The following UBE2K variants were observed in gnomAD, a reference collection of about 807,000 sequenced individuals.
The protein encoded by UBE2K is ubiquitin conjugating enzyme E2 K, also known as ubiquitin-conjugating enzyme E2 K.
In UBE2K, 6 loss-of-function variants were observed where a neutral mutation model predicts 30.0. The ratio of observed to expected loss-of-function variants is 0.20; its 90% CI spans 0.11 to 0.39. The LOEUF is 0.39. Ranked by LOEUF, UBE2K falls within the 10% of genes least tolerant of loss-of-function variation. The pLI is 1.00. For synonymous variants in UBE2K, 86 were observed against 83.7 expected (o/e 1.03, Z -0.15); for missense variants, 61 against 241.6 (o/e 0.25, Z 4.96).
intron 4 of UBE2K, among the ~76,000 whole-genome samples, chr4:39,764,266 AAGTC>A (rs945087139): frequency 6.6e-6 from 1 of 152,178 alleles, no homozygotes; most frequent in African/African-American, 2.4e-5. Flanking sequence ...TGAGCCTTGA[AAGTC>A]AGGGCTGCAG....
intron 4 of UBE2K, among the ~76,000 whole-genome samples, chr4:39,761,709 A>T (rs969103387): frequency 5.3e-5 from 8 of 152,360 alleles, no homozygotes; most frequent in South Asian, 2.1e-4. Context: ...AGTACAATAT[A>T]GATTTGATCA....
Position 39,750,273 on chromosome 4 carries a change from A to C in UBE2K, c.216+4463A>C, listed in dbSNP as rs1364148679. 4.6e-5 allele frequency among the ~76,000 whole-genome samples: 7 copies of C among 152,366 alleles called. No individual in the cohort carries two copies. The South Asian group carries it at 1.2e-3, about 27-fold the overall frequency. On this transcript the variant is annotated intron_variant, in intron 3 of 6. Coordinates refer to ENST00000261427, the MANE Select transcript of UBE2K (RefSeq NM_005339.5). ...TTAAAACTGGAAGTTACAGATGGAA[A>C]TATGAACTCACATCTACAATGAAGT...
At chr4:39,733,134 T>A (rs530641957) in intron 1 of UBE2K, among the ~76,000 whole-genome samples, 1 of 149,718 alleles carries the variant, frequency 6.7e-6, no homozygotes, top group South Asian at 2.1e-4. Flanking sequence ...AGAAAAGCAA[T>A]CTTTGACCTA....
chr4:39,757,018 G>GTTTTT lies in UBE2K; in HGVS notation c.299+1281_299+1285dup, dbSNP rs1227834116. ...TTTGGGTGTTTTTTTTTTGTTTTTTGTTTTTTGTTTTTTGTTTTTTTTTTG... is the reference window on the plus strand; with the variant it reads ...TTTGGGTGTTTTTTTTTTGTTTTTTGTTTTTTTTTTTGTTTTTTGTTTTTTTTTTG... On this transcript the variant is annotated intron_variant, in intron 4 of 6. Coordinates refer to ENST00000261427, the MANE Select transcript of UBE2K (RefSeq NM_005339.5). 4.6e-4 allele frequency among the ~76,000 whole-genome samples: 33 copies of GTTTTT among 72,088 alleles called. 8 individuals carry two copies. Among genetic ancestry groups the GTTTTT allele is most frequent in the East Asian group, 1.1e-3 (2 of 1,848 alleles). 47.3% of individuals were successfully genotyped at this position (72,088 alleles called of 152,430 possible).
At chr4:39,729,365 C>T (rs1719945009) in intron 1 of UBE2K, among the ~76,000 whole-genome samples, 1 of 143,742 alleles carries the variant, frequency 7.0e-6, no homozygotes, top group African/African-American at 2.6e-5. Flanking sequence ...TTCACAGATA[C>T]CTTGTATCCA....
intron 4 of UBE2K, chr4:39,761,385 GATCTGTTGGAAGATCCTT>G (rs1176798217): frequency 2.6e-5 from 4 of 152,174 alleles, no homozygotes; most frequent in African/African-American, 9.7e-5. Context: ...AATTATTGAT[GATCTGTTGGAAGATCCTT>G]AACAGAAAAG....
intron 1 of UBE2K, among the ~76,000 whole-genome samples, chr4:39,723,304 A>G (rs1719530889): frequency 6.6e-6 from 1 of 150,954 alleles, no homozygotes; most frequent in African/African-American, 2.4e-5. Flanking sequence ...CGACCTCCCA[A>G]AGTGCTGAGA....
chr4:39,717,854 C>G (rs1006386638), intron 1 of UBE2K, among the ~76,000 whole-genome samples: 1 of 151,280 alleles, frequency 6.6e-6, no homozygotes, highest in Non-Finnish European at 1.5e-5. Flanking sequence ...AGCTGCAGAC[C>G]TTCGCGGTGA....
chr4:39,715,554 C>T (rs1719014947), intron 1 of UBE2K, among the ~76,000 whole-genome samples: 1 of 152,136 alleles, frequency 6.6e-6, no homozygotes, highest in Admixed American at 6.6e-5. Context: ...AAGTGATCCA[C>T]CCGCCTCAGC....
intron 1 of UBE2K, among the ~76,000 whole-genome samples, chr4:39,727,788 T>C (rs1427650051): frequency 6.6e-6 from 1 of 152,070 alleles, no homozygotes; most frequent in East Asian, 1.9e-4. Flanking sequence ...ATGGTGTAAA[T>C]GGCAGTGTTT....
chr4:39,776,295 A>C (rs1238917632), intron 5 of UBE2K, among the ~76,000 whole-genome samples: 1 of 152,138 alleles, frequency 6.6e-6, no homozygotes, highest in Non-Finnish European at 1.5e-5. Flanking sequence ...AATTACTCTG[A>C]TTGCCATAGG....
chr4:39,749,890 T>A (rs986154530), intron 3 of UBE2K, among the ~76,000 whole-genome samples: 9 of 152,054 alleles, frequency 5.9e-5, no homozygotes, highest in Admixed American at 2.0e-4. Context: ...TGAGACCCTG[T>A]CTCAAAAATA....
In UBE2K at chr4:39,778,541, C is replaced by T. The variant is rs1713413826; in HGVS notation, c.*107C>T. 2 of 672,542 alleles carry T rather than the reference C, an allele frequency of 3.0e-6. No homozygotes were observed. Among genetic ancestry groups the T allele is most frequent in the Admixed American group, 5.9e-5 (2 of 33,838 alleles). 41.7% of individuals were successfully genotyped at this position (672,542 alleles called of 1,614,324 possible). A position where few individuals can be genotyped will look rare whatever the true frequency, so the allele number is the denominator to read the frequency against. ...ATTTCTTTTAAACTGGCATTCTTGCCTAATGATGTTATCTAGGCACCATTG... is the reference window on the plus strand; with the variant it reads ...ATTTCTTTTAAACTGGCATTCTTGCTTAATGATGTTATCTAGGCACCATTG... On this transcript the variant is annotated 3_prime_UTR_variant, in exon 7 of 7. Transcript: ENST00000261427.
At chr4:39,773,337 A>C (rs113637436) in intron 4 of UBE2K, among the ~76,000 whole-genome samples, 3,213 of 151,824 alleles carry the variant, frequency 0.021, 131 homozygotes, top group African/African-American at 0.075. Context: ...GCATGGTGGC[A>C]TGTGCCTGTA....
At chr4:39,752,390 G>A (rs1721314476) in intron 3 of UBE2K, among the ~76,000 whole-genome samples, 1 of 129,090 alleles carries the variant, frequency 7.7e-6, no homozygotes, top group African/African-American at 3.0e-5. Flanking sequence ...AGGCTGGAGT[G>A]CAGTGGCACA....
chr4:39,739,694 C>G (rs1720586327), intron 2 of UBE2K, among the ~76,000 whole-genome samples: 1 of 152,094 alleles, frequency 6.6e-6, no homozygotes, highest in African/African-American at 2.4e-5. Context: ...ATCTGCCCAC[C>G]TCAGCCTCCC....
At position 39,777,627 on chromosome 4, in the gene UBE2K, T is replaced by C. The variant is rs1713352806; in HGVS notation, c.400-55T>C. The C allele has an allele frequency of 5.6e-6, 8 of 1,438,618 alleles. No individual in the cohort carries two copies. In the South Asian group the frequency reaches 1.2e-4, roughly 22 times the overall value. 89.1% of individuals were successfully genotyped at this position (1,438,618 alleles called of 1,614,324 possible). A position where few individuals can be genotyped will look rare whatever the true frequency, so the allele number is the denominator to read the frequency against. ...GATTGTAGGCGATTAAGAGCTGAAATATATCAAATATTATAACTGTAATGT... is the reference window on the plus strand; with the variant it reads ...GATTGTAGGCGATTAAGAGCTGAAACATATCAAATATTATAACTGTAATGT... On this transcript the variant is annotated intron_variant, in intron 5 of 6. Coordinates refer to ENST00000261427, the MANE Select transcript of UBE2K (RefSeq NM_005339.5).
At chr4:39,722,160 A>G (rs1281501961) in intron 1 of UBE2K, among the ~76,000 whole-genome samples, 1 of 152,134 alleles carries the variant, frequency 6.6e-6, no homozygotes. Flanking sequence ...ACGTTCACAG[A>G]TTGTATATAA....
chr4:39,746,903 T>C (rs10517528), intron 3 of UBE2K, among the ~76,000 whole-genome samples: 29,343 of 152,152 alleles, frequency 0.19, 2,890 homozygotes, highest in South Asian at 0.25. Flanking sequence ...ATGTATTATT[T>C]TGGATATGTA....
Sources: allele counts gnomAD v4.1 joint callset (sites outside exome capture counted in the v4.1 genomes callset), GRCh38; gene constraint gnomAD v4.1.1; transcripts MANE v1.5; gene names NCBI Gene and HGNC (gene_info 2026-07-23, HGNC 2026-07-21).